The following GRIFIN variants were observed in gnomAD, a reference collection of about 807,000 sequenced individuals.
GRIFIN encodes galectin-related inter-fiber protein.
In GRIFIN, 22 loss-of-function variants were observed where a neutral mutation model predicts 18.2. The ratio of observed to expected loss-of-function variants is 1.21; its 90% CI spans 0.86 to 1.73. The LOEUF (loss-of-function observed/expected upper bound fraction) is 1.73, where lower values mean the gene tolerates loss of function less well. Among genes scored for constraint, GRIFIN ranks in the 40% most tolerant of loss-of-function variants. The probability of loss-of-function intolerance (pLI) is 0.00; values close to 1 mark genes in which losing one functional copy is unlikely to be tolerated. For synonymous variants in GRIFIN, 101 were observed against 82.8 expected, an observed-to-expected ratio of 1.22 and a Z score of -1.19; for missense variants, 200 against 190.1, an observed-to-expected ratio of 1.05 and a Z score of -0.31.
chr7:2,474,881 G>A lies in GRIFIN; in HGVS notation c.424C>T (p.Arg142Trp), dbSNP rs930543769. ...GGTGCAGGTGTCACTCAGTAGCCCC[G>A]GTCCCTGCAAACATCCAAGGCACGT... ...LAKRGLSWGD[R>W]GY Residue 142 changes from arginine to tryptophan, a missense_variant, in exon 5 of 5, where the codon CGG becomes TGG. By Grantham distance (101) the Arg-to-Trp change is moderately radical. Coordinates refer to ENST00000614228, the MANE Select transcript of GRIFIN (RefSeq NM_001394787.1). 5.4e-6 allele frequency: 3 copies of A among 556,326 alleles called. No homozygotes were observed. Among genetic ancestry groups the A allele is most frequent in the Middle Eastern group, 4.7e-4 (1 of 2,116 alleles). The allele number at this position is 556,326 out of a possible 1,614,324, so 34.5% of individuals were successfully genotyped here. A position where few individuals can be genotyped will look rare whatever the true frequency, so the allele number is the denominator to read the frequency against.
At chr7:2,475,381 T>C in intron 3 of GRIFIN, 74 bp from the exon 4 acceptor site, 9 of 1,492,082 alleles carry the variant, frequency 6.0e-6, no homozygotes, top group Non-Finnish European at 8.1e-6. Context: ...TTAACGGTGA[T>C]GTGCCTGCCG....
At position 2,474,799 on chromosome 7, in the gene GRIFIN, C is replaced by T. The variant is rs1778926418; in HGVS notation, c.*71G>A. On this transcript the variant is annotated 3_prime_UTR_variant, in exon 5 of 5. Transcript: ENST00000614228. The stretch of plus-strand genomic sequence containing the variant: ...GACCACAGACCCCCTCACCCAGCTG[C>T]CCCAGGGTGGGACTCCAGGTACCCT... 4.3e-6 allele frequency: 2 copies of T among 466,414 alleles called. No individual in the cohort carries two copies. The highest frequency in any genetic ancestry group is 3.8e-6 in the Non-Finnish European group (1 of 263,312). 28.9% of individuals were successfully genotyped at this position (466,414 alleles called of 1,614,324 possible).
chr7:2,475,746 T>C lies in GRIFIN; in HGVS notation c.175A>G (p.Asn59Asp). Residue 59 changes from asparagine (N) to aspartate (D), a missense_variant, in exon 3 of 5, where the codon AAT becomes GAT. Coordinates refer to ENST00000614228, the MANE Select transcript of GRIFIN (RefSeq NM_001394787.1). ...PRFSSATVVGNAFQYGRWGPE... is the reference protein window; with the variant it reads ...PRFSSATVVGDAFQYGRWGPE... ...CCCCAGCGGCCGTACTGGAAGGCATTGCCCACCACAGTGGCGCTGGAGAAC... is the reference window on the plus strand; with the variant it reads ...CCCCAGCGGCCGTACTGGAAGGCATCGCCCACCACAGTGGCGCTGGAGAAC... 6.4e-7 allele frequency: 1 copy of C among 1,566,056 alleles called. No individual in the cohort carries two copies. Among genetic ancestry groups the C allele is most frequent in the Non-Finnish European group, 8.6e-7 (1 of 1,160,672 alleles).
At chr7:2,476,079 C>T (rs1001909414) in intron 1 of GRIFIN, 80 bp from the exon 2 acceptor site, 8 of 1,191,310 alleles carry the variant, frequency 6.7e-6, no homozygotes, top group African/African-American at 4.6e-5. Flanking sequence ...CCTATCCCAT[C>T]TGTCCAGGAA....
At position 2,475,675 on chromosome 7, in the gene GRIFIN, G is replaced by A; in HGVS notation, c.246C>T (p.Pro82=). 6.6e-7 allele frequency: 1 copy of A among 1,505,550 alleles called. No individual in the cohort carries two copies. Among genetic ancestry groups the A allele is most frequent in the Non-Finnish European group, 8.9e-7 (1 of 1,126,916 alleles). The allele number at this position is 1,505,550 out of a possible 1,614,324, so 93.3% of individuals were successfully genotyped here. ...SSIFPLAPGE[P]FEIEVSWDAE... ...CCACCCAGGCCCCTGTCACCTCAAA[G>A]GGCTCCCCCGGGGCCAGCGGGAAGA... The change falls in exon 3 of 5, where the codon CCC becomes CCT. Residue 82 remains proline (P), a synonymous_variant. Transcript: ENST00000614228.
rs1583248965 is a variant in GRIFIN, at chr7:2,475,146, G to T, written c.414C>A (p.Ser138Arg). The T allele has an allele frequency of 6.3e-7, 1 of 1,581,574 alleles. No homozygotes were observed. Among genetic ancestry groups the T allele is most frequent in the Non-Finnish European group, 8.5e-7 (1 of 1,172,024 alleles). ...GGTAGAGGCAGGGACTTTACCCCCA[G>T]CTCAGGCCCCTCTTGGCCAGCTCCA... ...AQVELAKRGL[S>R]WGDRGY Residue 138 changes from serine (S) to arginine (R), a missense_variant, in exon 4 of 5, where the codon AGC becomes AGA. Coordinates refer to ENST00000614228, the MANE Select transcript of GRIFIN (RefSeq NM_001394787.1).
At position 2,475,922 on chromosome 7, in the gene GRIFIN, G is replaced by A. The variant is rs935035788; in HGVS notation, c.90C>T (p.Asp30=). ...GAGGGGAGGGCGGTGCCGCTGACCT[G>A]TCCTCTCCAGAGTCAGCATGTCCCT... The part of the protein sequence containing the change: ...LVQGHADSGE[D]RFETNFLLET... The change falls in exon 2 of 5, where the codon GAC becomes GAT. Residue 30 remains aspartate (D), a splice_region_variant and synonymous_variant. Transcript: ENST00000614228. 6.3e-7 allele frequency: 1 copy of A among 1,598,164 alleles called. No homozygotes were observed. The highest frequency in any genetic ancestry group is 1.3e-5 in the African/African-American group (1 of 74,898).
chr7:2,475,696 G>T lies in GRIFIN; in HGVS notation c.225C>A (p.Phe75Leu). 6.5e-7 allele frequency: 1 copy of T among 1,531,768 alleles called. No homozygotes were observed. Among genetic ancestry groups the T allele is most frequent in the Non-Finnish European group, 8.8e-7 (1 of 1,140,960 alleles). The allele number at this position is 1,531,768 out of a possible 1,614,324, so 94.9% of individuals were successfully genotyped here. The change falls in exon 3 of 5, where the codon TTC (phenylalanine) becomes TTA (leucine). Residue 75 changes from phenylalanine to leucine, a missense_variant. Transcript: ENST00000614228. ...RWGPEQVSSI[F>L]PLAPGEPFEI... ...CAAAGGGCTCCCCCGGGGCCAGCGG[G>T]AAGATGCTAGACACCTGCTCCGGGC... is the stretch of plus-strand genomic sequence containing the variant.
rs371388659 is a variant in GRIFIN, at chr7:2,475,825, G to A, written c.96C>T (p.Phe32=). The A allele has an allele frequency of 1.9e-5, 30 of 1,573,926 alleles. 1 individual carries two copies. Among genetic ancestry groups the A allele is most frequent in the South Asian group, 5.6e-5 (5 of 89,536 alleles). Residue 32 remains phenylalanine, a synonymous_variant, in exon 3 of 5, where the codon TTC becomes TTT. Transcript: ENST00000614228. ...CCGTCTCCAACAAGAAGTTAGTCTC[G>A]AACCTGGGGCGGACATGGTGCGGGT... ...QGHADSGEDR[F]ETNFLLETGD...
At chr7:2,476,038 G>T in intron 1 of GRIFIN, 39 bp from the exon 2 acceptor site, 1 of 1,558,902 alleles carries the variant, frequency 6.4e-7, no homozygotes, top group Non-Finnish European at 8.7e-7. Flanking sequence ...TCATGGGGCT[G>T]CAGCCTCCTC....
intron 2 of GRIFIN, 38 bp downstream of exon 2, chr7:2,475,882 A>G: frequency 6.3e-7 from 1 of 1,589,150 alleles, no homozygotes; most frequent in Non-Finnish European, 8.5e-7. Flanking sequence ...CCGGCCACCC[A>G]GCCCAAGGCC....
intron 3 of GRIFIN, 148 bp downstream of exon 3, chr7:2,475,521 G>A (rs1269342934): frequency 2.1e-5 from 25 of 1,179,640 alleles, no homozygotes; most frequent in African/African-American, 3.7e-5. Context: ...TACTGCACAC[G>A]TAGGGAAACT....
In GRIFIN at chr7:2,475,982, C is replaced by T. The variant is rs763437975; in HGVS notation, c.30G>A (p.Ala10=). ...GCTTCCAGCCGGGGGCCAGGCCGCC[C>T]GCACAGAAGGCTTTAGACTGAGTGG... MAVQSKAFC[A]GGLAPGWKLL... The change falls in exon 2 of 5, where the codon GCG becomes GCA. Residue 10 remains alanine, a synonymous_variant. Transcript: ENST00000614228. 3.6e-5 allele frequency: 58 copies of T among 1,597,928 alleles called. No individual in the cohort carries two copies. The highest frequency in any genetic ancestry group is 2.1e-4 in the South Asian group (19 of 91,054).
chr7:2,475,957 G>A lies in GRIFIN; in HGVS notation c.55C>T (p.Leu19=). The A allele has an allele frequency of 6.3e-7, 1 of 1,598,322 alleles. No individual in the cohort carries two copies. The highest frequency in any genetic ancestry group is 1.1e-5 in the South Asian group (1 of 91,076). Residue 19 remains leucine (L), a synonymous_variant, in exon 2 of 5, where the codon CTG becomes TTG. Coordinates refer to ENST00000614228, the MANE Select transcript of GRIFIN (RefSeq NM_001394787.1). The part of the protein sequence containing the change: ...CAGGLAPGWK[L]LVQGHADSGE... ...GAGTCAGCATGTCCCTGGACCAGCA[G>A]CTTCCAGCCGGGGGCCAGGCCGCCC... is the stretch of plus-strand genomic sequence containing the variant.
intron 1 of GRIFIN, 75 bp from the exon 2 acceptor site, chr7:2,476,074 C>G (rs1778959937): frequency 8.8e-7 from 1 of 1,142,112 alleles, no homozygotes; most frequent in Non-Finnish European, 1.2e-6. Flanking sequence ...CCCACCCTAT[C>G]CCATCTGTCC....
At position 2,475,710 on chromosome 7, in the gene GRIFIN, C is replaced by A; in HGVS notation, c.211G>T (p.Val71Leu). Residue 71 changes from valine to leucine, a missense_variant, in exon 3 of 5, where the codon GTG (valine) becomes TTG (leucine). Physicochemically the swap from Val to Leu is conservative, Grantham distance 32. Coordinates refer to ENST00000614228, the MANE Select transcript of GRIFIN (RefSeq NM_001394787.1). ...GGGGCCAGCGGGAAGATGCTAGACA[C>A]CTGCTCCGGGCCCCAGCGGCCGTAC... ...FQYGRWGPEQVSSIFPLAPGE... is the reference protein window; with the variant it reads ...FQYGRWGPEQLSSIFPLAPGE... 1 of 1,546,820 alleles carries A rather than the reference C, an allele frequency of 6.5e-7. No homozygotes were observed. The highest frequency in any genetic ancestry group is 8.7e-7 in the Non-Finnish European group (1 of 1,150,832).
At chr7:2,476,134 G>A (rs2115491463) in intron 1 of GRIFIN, 135 bp from the exon 2 acceptor site, 1 of 855,318 alleles carries the variant, frequency 1.2e-6, no homozygotes, top group South Asian at 1.7e-5. Context: ...GCCAGACATA[G>A]GCTAAGGCTC....
chr7:2,475,814 AAGTT>A lies in GRIFIN; in HGVS notation c.103_106del (p.Asn35SerfsTer50). 1 of 1,572,904 alleles carries A rather than the reference AAGTT, an allele frequency of 6.4e-7. No homozygotes were observed. Among genetic ancestry groups the A allele is most frequent in the Non-Finnish European group, 8.6e-7 (1 of 1,160,822 alleles). ...GGCAATGTCCCCCGTCTCCAACAAG[AAGTT>A]AGTCTCGAACCTGGGGCGGACATGG... On this transcript the variant is annotated frameshift_variant, in exon 3 of 5. Coordinates refer to ENST00000614228, the MANE Select transcript of GRIFIN (RefSeq NM_001394787.1). LOFTEE classifies it high-confidence loss of function.
rs144068420 is a variant in GRIFIN at position 2,475,836 on chromosome 7, G to A, written c.93-8C>T. ...AAGAAGTTAGTCTCGAACCTGGGGC[G>A]GACATGGTGCGGGTCAAGAGCTGCA... On this transcript the variant is annotated splice_polypyrimidine_tract_variant and splice_region_variant and intron_variant, in intron 2 of 4. Coordinates refer to ENST00000614228, the MANE Select transcript of GRIFIN (RefSeq NM_001394787.1). The A allele has an allele frequency of 7.6e-4, 1,198 of 1,575,048 alleles. 6 individuals carry two copies. In the Middle Eastern group the frequency reaches 8.4e-3, roughly 11 times the overall value.
Sources: allele counts gnomAD v4.1 joint callset, GRCh38; gene constraint gnomAD v4.1.1; transcripts MANE v1.5; gene names NCBI Gene and HGNC (gene_info 2026-07-23, HGNC 2026-07-21).